CORO1C: variants seen among roughly 807,000 people sequenced by gnomAD.
CORO1C encodes coronin-1C.
Under a neutral mutation model 51.2 loss-of-function variants are expected in CORO1C, and 14 were observed. The observed-to-expected ratio is 0.27, with a 90% CI of 0.18 to 0.43. CORO1C has a LOEUF of 0.43. Among genes scored for constraint, CORO1C ranks in the 20% least tolerant of loss-of-function variants. The pLI is 1.00. For synonymous variants in CORO1C, 181 were observed against 210.5 expected, an observed-to-expected ratio of 0.86 and a Z score of 1.21; for missense variants, 417 against 607.8, an observed-to-expected ratio of 0.69 and a Z score of 3.30.
At chr12:108,703,576 C>T (rs2034940805) in intron 1 of CORO1C, among the ~76,000 whole-genome samples, 1 of 152,308 alleles carries the variant, frequency 6.6e-6, no homozygotes, top group Non-Finnish European at 1.5e-5. Context: ...ACAAAAAGGA[C>T]ATCAAGGCCC....
At chr12:108,652,142 T>A in intron 8 of CORO1C, 130 bp downstream of exon 8, 1 of 686,984 alleles carries the variant, frequency 1.5e-6, no homozygotes, top group Non-Finnish European at 2.3e-6. Flanking sequence ...TGGCAATGTG[T>A]ACAATTCTAC....
chr12:108,726,261 A>G (rs1250189695), intron 1 of CORO1C, among the ~76,000 whole-genome samples: 1 of 152,050 alleles, frequency 6.6e-6, no homozygotes, highest in Non-Finnish European at 1.5e-5. Context: ...ACTAAAAAAT[A>G]CCAAAAAATT....
At chr12:108,652,498 A>T (rs2136796417) in intron 7 of CORO1C, 81 bp from the exon 8 acceptor site, 1 of 1,151,402 alleles carries the variant, frequency 8.7e-7, no homozygotes, top group South Asian at 1.4e-5. Context: ...TCCTCTACAA[A>T]CCCAGCAGTA....
intron 1 of CORO1C, among the ~76,000 whole-genome samples, chr12:108,716,870 CCAGT>C (rs1456478551): frequency 6.6e-6 from 1 of 152,088 alleles, no homozygotes; most frequent in Non-Finnish European, 1.5e-5. Flanking sequence ...GTCCTTAATC[CCAGT>C]CATTCTTTTG....
chr12:108,704,608 G>A (rs958166785), intron 1 of CORO1C, among the ~76,000 whole-genome samples: 2 of 152,204 alleles, frequency 1.3e-5, no homozygotes. Context: ...AGTAAGAAAA[G>A]CCAGTGCTTC....
intron 2 of CORO1C, among the ~76,000 whole-genome samples, chr12:108,697,285 G>A (rs1236931657): frequency 2.0e-5 from 3 of 151,976 alleles, no homozygotes; most frequent in African/African-American, 4.8e-5. Flanking sequence ...AGTCCCAAAC[G>A]CATCACCAAA....
chr12:108,676,394 G>A (rs1020512535), intron 3 of CORO1C, among the ~76,000 whole-genome samples: 3 of 152,062 alleles, frequency 2.0e-5, no homozygotes, highest in South Asian at 2.1e-4. Context: ...AAAGGATAAC[G>A]TGACCAGTAA....
intron 1 of CORO1C, among the ~76,000 whole-genome samples, chr12:108,709,734 A>AG (rs2035127050): frequency 6.6e-6 from 1 of 152,222 alleles, no homozygotes; most frequent in Non-Finnish European, 1.5e-5. Flanking sequence ...AGAAAAAAAA[A>AG]GAGTAAATGA....
chr12:108,651,317 T>C (rs998968826), intron 8 of CORO1C, among the ~76,000 whole-genome samples: 2 of 152,224 alleles, frequency 1.3e-5, no homozygotes, highest in Admixed American at 6.5e-5. Flanking sequence ...ATTCTGTTGT[T>C]TGAAATGGCC....
intron 1 of CORO1C, among the ~76,000 whole-genome samples, chr12:108,721,741 G>T (rs1177738273): frequency 6.6e-6 from 1 of 152,036 alleles, no homozygotes; most frequent in Non-Finnish European, 1.5e-5. Context: ...GTGACTTTTT[G>T]ATAAGTTTAT....
chr12:108,668,740 G>T (rs572224303), intron 3 of CORO1C, among the ~76,000 whole-genome samples: 47 of 152,268 alleles, frequency 3.1e-4, no homozygotes, highest in Non-Finnish European at 6.0e-4. Context: ...CAATCCCATT[G>T]TCCAAATTAG....
At chr12:108,711,629 G>A (rs940872123) in intron 1 of CORO1C, among the ~76,000 whole-genome samples, 5 of 149,076 alleles carry the variant, frequency 3.4e-5, no homozygotes, top group Admixed American at 1.3e-4. Flanking sequence ...GCAGTGAACC[G>A]AGATCGCGTC....
chr12:108,668,459 C>T (rs1270395744), intron 3 of CORO1C: 2 of 152,154 alleles, frequency 1.3e-5, no homozygotes, highest in African/African-American at 4.8e-5. Flanking sequence ...AGCATTAAAG[C>T]TCTTTTAAAA....
intron 2 of CORO1C, among the ~76,000 whole-genome samples, chr12:108,685,435 G>A (rs191186857): frequency 1.3e-4 from 20 of 152,170 alleles, no homozygotes; most frequent in Admixed American, 2.6e-4. Flanking sequence ...GGAACTGTCT[G>A]AAGACCTTGA....
At chr12:108,667,674 T>C (rs1030327309) in intron 3 of CORO1C, among the ~76,000 whole-genome samples, 3 of 152,160 alleles carry the variant, frequency 2.0e-5, no homozygotes, top group African/African-American at 7.2e-5. Context: ...GGCCAGCCTG[T>C]GCAACATAGA....
rs183180160 is a variant in CORO1C at position 108,704,266 on chromosome 12, G to A, written c.-5-2943C>T. ...GCTGAGACGGATCACGAGGTCAGGC[G>A]ATCAAGATCATCCTGGCCAACATGG... On this transcript the variant is annotated intron_variant, in intron 1 of 10. Transcript: ENST00000261401. Among the ~76,000 whole-genome samples, 461 of 152,146 alleles carry A rather than the reference G, an allele frequency of 3.0e-3. 1 individual carries two copies. Among genetic ancestry groups the A allele is most frequent in the Non-Finnish European group, 4.9e-3 (335 of 67,996 alleles).
chr12:108,729,970 G>A (rs1027954114), intron 1 of CORO1C, among the ~76,000 whole-genome samples: 26 of 152,182 alleles, frequency 1.7e-4, no homozygotes, highest in Non-Finnish European at 3.7e-4. Context: ...AGCCCTACAA[G>A]TACTGTTTTA....
chr12:108,728,409 G>A (rs1176240501), intron 1 of CORO1C, among the ~76,000 whole-genome samples: 4 of 151,748 alleles, frequency 2.6e-5, no homozygotes, highest in Non-Finnish European at 5.9e-5. Flanking sequence ...GCTAAATAAG[G>A]GCAAGACACA....
At chr12:108,714,361 C>T (rs555297483) in intron 1 of CORO1C, among the ~76,000 whole-genome samples, 31 of 139,302 alleles carry the variant, frequency 2.2e-4, no homozygotes, top group African/African-American at 8.4e-4. Context: ...TGCACTCCTC[C>T]AGCCTGCAGC....
Sources: gnomAD v4.1 joint callset for allele counts (sites outside exome capture counted in the v4.1 genomes callset) on GRCh38, gnomAD v4.1.1 for gene constraint, MANE v1.5 for transcripts, NCBI Gene and HGNC (gene_info 2026-07-23, HGNC 2026-07-21) for gene names.